KNDC1: variants seen among roughly 807,000 people sequenced by gnomAD.
KNDC1 encodes kinase non-catalytic C-lobe domain containing 1.
A neutral mutation model predicts 172.8 loss-of-function variants in KNDC1; 106 were observed. The observed-to-expected ratio is 0.61, with a 90% CI of 0.52 to 0.72. The LOEUF (loss-of-function observed/expected upper bound fraction) is 0.72, where lower values mean the gene tolerates loss of function less well. Ranked by LOEUF, KNDC1 falls within the 30% of genes least tolerant of loss-of-function variation. The probability of loss-of-function intolerance (pLI) is 0.00; values close to 1 mark genes in which losing one functional copy is unlikely to be tolerated. For missense variants in KNDC1, 2,325 were observed against 2,394.5 expected, an observed-to-expected ratio of 0.97 and a Z score of 0.61; for synonymous variants, 1,083 against 1,062.2, an observed-to-expected ratio of 1.02 and a Z score of -0.38.
rs1274709439 is a variant in KNDC1, at chr10:133,167,423, G to A, written c.145G>A (p.Gly49Ser). 10 of 1,603,902 alleles carry A rather than the reference G, an allele frequency of 6.2e-6. No homozygotes were observed. Among genetic ancestry groups the A allele is most frequent in the African/African-American group, 4.0e-5 (3 of 74,870 alleles). ...TGACATCCTCTCCCTGCGGGACCGC[G>A]GCCTCAGCGAGCAGGAAGCCTGGGC... Reference protein sequence around the residue: ...LADILSLRDRGLSEQEAWAVC... With the variant: ...LADILSLRDRSLSEQEAWAVC... Residue 49 changes from glycine to serine, a missense_variant, in exon 2 of 30, where the codon GGC (glycine) becomes AGC (serine). Coordinates refer to ENST00000304613, the MANE Select transcript of KNDC1 (RefSeq NM_152643.8).
rs1333474188 is a variant in KNDC1, at chr10:133,207,243, C to A, written c.3686C>A (p.Ser1229Tyr). ...DTLDFSPLDE[S>Y]SSLIFYNVNK... ...CTGGACTTCAGCCCCCTGGACGAGT[C>A]CTCCTCGCTCATCTTCTACAACGTC... The change falls in exon 20 of 30, where the codon TCC becomes TAC. Residue 1229 changes from serine to tyrosine, a missense_variant. Physicochemically the swap from Ser to Tyr is moderately radical, Grantham distance 144. Coordinates refer to ENST00000304613, the MANE Select transcript of KNDC1 (RefSeq NM_152643.8). 6.2e-7 allele frequency: 1 copy of A among 1,613,044 alleles called. No individual in the cohort carries two copies. The highest frequency in any genetic ancestry group is 1.1e-5 in the South Asian group (1 of 91,088).
At chr10:133,175,089 GGATA>G (rs1239691646) in intron 3 of KNDC1, among the ~76,000 whole-genome samples, 5 of 149,542 alleles carry the variant, frequency 3.3e-5, no homozygotes, top group Middle Eastern at 3.5e-3. Flanking sequence ...ATGGGTGGAT[GGATA>G]GATGGATGGT....
intron 3 of KNDC1, among the ~76,000 whole-genome samples, chr10:133,173,204 C>T (rs74327327): frequency 0.022 from 3,368 of 152,276 alleles, 46 homozygotes; most frequent in Middle Eastern, 0.034. Context: ...GGGTTTAGTT[C>T]GTTCATTTTT....
At chr10:133,176,264 T>C (rs1853535968) in intron 3 of KNDC1, among the ~76,000 whole-genome samples, 1 of 150,196 alleles carries the variant, frequency 6.7e-6, no homozygotes, top group Non-Finnish European at 1.5e-5. Flanking sequence ...CATAGGCGGA[T>C]GGATGCATGG....
intron 3 of KNDC1, among the ~76,000 whole-genome samples, chr10:133,173,102 T>C (rs564083614): frequency 6.6e-6 from 1 of 152,226 alleles, no homozygotes; most frequent in Non-Finnish European, 1.5e-5. Context: ...CAGCTGCAGG[T>C]GCTCTCCTCT....
chr10:133,162,018 G>A (rs921768342), intron 1 of KNDC1, among the ~76,000 whole-genome samples: 11 of 152,278 alleles, frequency 7.2e-5, no homozygotes, highest in African/African-American at 2.4e-4. Flanking sequence ...TCCTCGGGCC[G>A]GCCGGACAGC....
intron 28 of KNDC1, among the ~76,000 whole-genome samples, chr10:133,219,646 C>A (rs1232096391): frequency 6.6e-6 from 1 of 152,166 alleles, no homozygotes; most frequent in Non-Finnish European, 1.5e-5. Context: ...TTTAGGGAAG[C>A]TGGGTTACCT....
At chr10:133,188,714 CCACCGCCG>C (rs1853992959) in intron 7 of KNDC1, 61 bp downstream of exon 7, 1 of 804,302 alleles carries the variant, frequency 1.2e-6, no homozygotes, top group African/African-American at 1.9e-5. Context: ...GTTCCACCCC[CCACCGCCG>C]TCCCACACCC....
Position 133,200,984 on chromosome 10 carries a change from T to G in KNDC1, c.2990-517T>G, listed in dbSNP as rs148617711. On this transcript the variant is annotated intron_variant, in intron 16 of 29. Transcript: ENST00000304613. ...GTGGTGGTCACCCTCAGGCTGTCCG[T>G]AGTCGTGGCCAGGCTTGGTGACGGG... is the stretch of plus-strand genomic sequence containing the variant. 4.9e-3 allele frequency among the ~76,000 whole-genome samples: 746 copies of G among 152,264 alleles called. 5 individuals are homozygous for G. The highest frequency in any genetic ancestry group is 0.017 in the African/African-American group (696 of 41,554).
intron 10 of KNDC1, among the ~76,000 whole-genome samples, 189 bp from the exon 11 acceptor site, chr10:133,196,869 G>A (rs1010404882): frequency 2.0e-5 from 3 of 152,172 alleles, no homozygotes; most frequent in African/African-American, 4.8e-5. Flanking sequence ...GACAGTGGCC[G>A]ACTGTGAGCC....
In KNDC1 at chr10:133,210,643, T is replaced by G; in HGVS notation, c.3827T>G (p.Phe1276Cys). ...TTCCTGGAGGGTTATGTGCAGCAATTCCTCTACACCTTCCGCTACTTCTGC... is the reference window on the plus strand; with the variant it reads ...TTCCTGGAGGGTTATGTGCAGCAATGCCTCTACACCTTCCGCTACTTCTGC... ...DAFLEGYVQQ[F>C]LYTFRYFCTP... The change falls in exon 21 of 30, where the codon TTC (phenylalanine) becomes TGC (cysteine). Residue 1276 changes from phenylalanine to cysteine, a missense_variant. Phe to Cys is a radical substitution (Grantham distance 205, BLOSUM62 -2). Coordinates refer to ENST00000304613, the MANE Select transcript of KNDC1 (RefSeq NM_152643.8). 6.2e-7 allele frequency: 1 copy of G among 1,613,838 alleles called. No homozygotes were observed. Among genetic ancestry groups the G allele is most frequent in the Non-Finnish European group, 8.5e-7 (1 of 1,179,874 alleles).
At chr10:133,181,834 C>CACACACACACACACACACA (rs1564881077) in intron 3 of KNDC1, among the ~76,000 whole-genome samples, 3,013 of 138,836 alleles carry the variant, frequency 0.022, 68 homozygotes, top group East Asian at 0.053. Context: ...CCAGGACCGT[C>CACACACACACACACACACA]CACACACACA....
intron 5 of KNDC1, among the ~76,000 whole-genome samples, chr10:133,185,685 G>A (rs1043973843): frequency 6.6e-6 from 1 of 150,756 alleles, no homozygotes; most frequent in Non-Finnish European, 1.5e-5. Flanking sequence ...GGCTCCCATA[G>A]GAAGCCCCAG....
Position 133,196,120 on chromosome 10 carries a change from G to A in KNDC1, c.1734+299G>A, listed in dbSNP as rs550347352. 1.6e-4 allele frequency among the ~76,000 whole-genome samples: 25 copies of A among 152,320 alleles called. No homozygotes were observed. The South Asian group carries it at 5.2e-3, about 32-fold the overall frequency. On this transcript the variant is annotated intron_variant, in intron 10 of 29. Coordinates refer to ENST00000304613, the MANE Select transcript of KNDC1 (RefSeq NM_152643.8). The stretch of plus-strand genomic sequence containing the variant: ...TCCAGCTTGTCCAAGAGGCCAGGGC[G>A]GGGGCAAGGGGTGTCCTGTGGGCAC...
At chr10:133,210,760 T>C (rs765375298) in intron 21 of KNDC1, 36 bp downstream of exon 21, 17 of 1,532,722 alleles carry the variant, frequency 1.1e-5, no homozygotes, top group Admixed American at 8.3e-5. Flanking sequence ...CGCCAGAGCT[T>C]CCCCCTGGGG....
At position 133,200,452 on chromosome 10, in the gene KNDC1, A is replaced by C. The variant is rs752556069; in HGVS notation, c.2981A>C (p.His994Pro). The C allele has an allele frequency of 6.3e-5, 99 of 1,580,644 alleles. No homozygotes were observed. Among genetic ancestry groups the C allele is most frequent in the Non-Finnish European group, 7.8e-5 (91 of 1,165,214 alleles). Reference sequence around the variant, plus strand: ...CCGTCCAGCAAGAGGCCGTCGCTGCACCGCCTGGGTAAGTGCTGGGCGGGC... The same window carrying C: ...CCGTCCAGCAAGAGGCCGTCGCTGCCCCGCCTGGGTAAGTGCTGGGCGGGC... ...RSPSSKRPSL[H>P]RLGKEKPAMA... Residue 994 changes from histidine (H) to proline (P), a missense_variant, in exon 16 of 30, where the codon CAC becomes CCC. Transcript: ENST00000304613.
rs576758672 is a variant in KNDC1, at chr10:133,209,338, C to T, written c.3795-1273C>T. Among the ~76,000 whole-genome samples, 6 of 146,944 alleles carry T rather than the reference C, an allele frequency of 4.1e-5. 1 individual carries two copies. The highest frequency in any genetic ancestry group is 1.4e-4 in the Admixed American group (2 of 14,784). On this transcript the variant is annotated intron_variant, in intron 20 of 29. Transcript: ENST00000304613. This position sits in a 1 kb window ranked among gnomAD's most constrained non-coding sequence, Gnocchi z 4.9. ...TGTGTGTGTGCACGTGTGTGCTGTG[C>T]GGTGTGGGGTATAGTGTGTGCACAT...
intron 17 of KNDC1, 91 bp downstream of exon 17, chr10:133,201,989 G>A: frequency 1.4e-6 from 2 of 1,387,818 alleles, no homozygotes; most frequent in South Asian, 1.2e-5. Flanking sequence ...ATGGCACCGT[G>A]TGCCCAGAGC....
Position 133,218,831 on chromosome 10 carries a change from C to A in KNDC1, c.4678C>A (p.Leu1560Met), listed in dbSNP as rs765203429. Residue 1560 changes from leucine (L) to methionine (M), a missense_variant and splice_region_variant, in exon 27 of 30, where the codon CTG becomes ATG. By Grantham distance (15) the Leu-to-Met change is conservative. Transcript: ENST00000304613. ...AEIVTSHTSK[L>M]QVNLLSKFLL... ...TGAATGTGTCATTTTCTTATTGCAG[C>A]TGCAGGTGAACTTGCTGTCCAAATT... 3.7e-6 allele frequency: 6 copies of A among 1,610,540 alleles called. No homozygotes were observed. Among genetic ancestry groups the A allele is most frequent in the East Asian group, 2.2e-5 (1 of 44,766 alleles).
Sources: gnomAD v4.1 joint callset for allele counts (sites outside exome capture counted in the v4.1 genomes callset) on GRCh38, gnomAD v4.1.1 for gene constraint, Gnocchi (gnomAD v3.1) non-coding constraint, MANE v1.5 for transcripts, NCBI Gene and HGNC (gene_info 2026-07-23, HGNC 2026-07-21) for gene names.